SYT1: variants seen among roughly 807,000 people sequenced by gnomAD.
SYT1 encodes synaptotagmin-1.
A neutral mutation model predicts 44.8 loss-of-function variants in SYT1; 8 were observed. That is an observed-to-expected ratio of 0.18 (90% CI 0.10 to 0.32). The LOEUF (loss-of-function observed/expected upper bound fraction) is 0.32. Among genes scored for constraint, SYT1 ranks in the 10% least tolerant of loss-of-function variants. The pLI is 1.00. For synonymous variants in SYT1, 154 were observed against 188.8 expected (o/e 0.82, Z 1.51); for missense variants, 286 against 509.3 (o/e 0.56, Z 4.22).
At chr12:79,241,187 A>C (rs931527299) in intron 4 of SYT1, among the ~76,000 whole-genome samples, 1 of 152,206 alleles carries the variant, frequency 6.6e-6, no homozygotes, top group Admixed American at 6.5e-5. Flanking sequence ...ACAAAAACAA[A>C]AACAAATGGT....
chr12:79,106,431 A>C (rs1168128108), intron 3 of SYT1, among the ~76,000 whole-genome samples: 8 of 152,106 alleles, frequency 5.3e-5, no homozygotes, highest in Non-Finnish European at 1.2e-4. Flanking sequence ...TAAATAATGA[A>C]TTTAAACATT....
intron 3 of SYT1, among the ~76,000 whole-genome samples, chr12:79,177,903 T>TC (rs986296106): frequency 3.6e-5 from 5 of 140,702 alleles, no homozygotes; most frequent in Non-Finnish European, 7.7e-5. Context: ...TGTTTGTTTT[T>TC]TCTTGTAAAT....
chr12:79,244,569 G>C (rs1250013238), intron 4 of SYT1, among the ~76,000 whole-genome samples: 1 of 152,002 alleles, frequency 6.6e-6, no homozygotes, highest in African/African-American at 2.4e-5. Context: ...GCCAGTCATG[G>C]TGGTGGCGCC....
rs1868693584 is a variant in SYT1, at chr12:79,129,873, C to T, written c.-18+82511C>T. Among the ~76,000 whole-genome samples, 6 of 152,052 alleles carry T rather than the reference C, an allele frequency of 3.9e-5. No homozygotes were observed. In the South Asian group the frequency reaches 1.2e-3, roughly 32 times the overall value. On this transcript the variant is annotated intron_variant, in intron 3 of 10. Transcript: ENST00000261205. Reference sequence around the variant, plus strand: ...GCTTCCATGGAATGTAAAGTTGTAACAAAGATGATTCAAATATGGGTATAT... The same window carrying T: ...GCTTCCATGGAATGTAAAGTTGTAATAAAGATGATTCAAATATGGGTATAT...
intron 3 of SYT1, among the ~76,000 whole-genome samples, chr12:79,129,025 A>G (rs1868627942): frequency 6.6e-6 from 1 of 152,180 alleles, no homozygotes; most frequent in South Asian, 2.1e-4. Context: ...TTAAAGAATC[A>G]GTGTCATTTT....
At chr12:79,220,418 G>C (rs547133239) in intron 4 of SYT1, among the ~76,000 whole-genome samples, 1 of 151,552 alleles carries the variant, frequency 6.6e-6, no homozygotes, top group East Asian at 1.9e-4. Flanking sequence ...ATTTCTTTCT[G>C]CTCTGATTTT....
chr12:79,029,679 T>A (rs1332305191), intron 2 of SYT1, among the ~76,000 whole-genome samples: 1 of 151,208 alleles, frequency 6.6e-6, no homozygotes, highest in Non-Finnish European at 1.5e-5. Flanking sequence ...CATAGGAGGT[T>A]ACATGGTATA....
At chr12:78,992,370 G>A (rs922609676) in intron 2 of SYT1, among the ~76,000 whole-genome samples, 7 of 152,178 alleles carry the variant, frequency 4.6e-5, no homozygotes, top group African/African-American at 1.4e-4. Flanking sequence ...GTAGCATGAG[G>A]CTATATTAAG....
At chr12:79,203,495 C>T (rs551155043) in intron 3 of SYT1, among the ~76,000 whole-genome samples, 1 of 152,270 alleles carries the variant, frequency 6.6e-6, no homozygotes, top group Non-Finnish European at 1.5e-5. Flanking sequence ...TGCTACACTT[C>T]CAAATTGACT....
chr12:79,273,494 G>T (rs1299590323), intron 4 of SYT1, among the ~76,000 whole-genome samples: 1 of 152,122 alleles, frequency 6.6e-6, no homozygotes, highest in Non-Finnish European at 1.5e-5. Context: ...GGAGCAGTAG[G>T]CAGTGAGGCA....
intron 2 of SYT1, chr12:79,036,504 G>C (rs1873143536): frequency 6.6e-6 from 1 of 151,730 alleles, no homozygotes; most frequent in Non-Finnish European, 1.5e-5. Context: ...AGCATCTTTT[G>C]AACACTCTTC....
intron 1 of SYT1, among the ~76,000 whole-genome samples, chr12:78,912,990 T>C (rs1876430135): frequency 1.3e-5 from 2 of 151,950 alleles, no homozygotes; most frequent in Non-Finnish European, 2.9e-5. Context: ...TAAGTAAAGT[T>C]ATTTTTAATA....
intron 9 of SYT1, among the ~76,000 whole-genome samples, chr12:79,388,847 T>G (rs1200664498): frequency 2.0e-5 from 3 of 152,194 alleles, no homozygotes; most frequent in Non-Finnish European, 2.9e-5. Context: ...ATGGAAATTA[T>G]TCTATAAGGA....
chr12:78,946,376 T>C (rs1268574357), intron 1 of SYT1, among the ~76,000 whole-genome samples: 1 of 152,150 alleles, frequency 6.6e-6, no homozygotes, highest in Admixed American at 6.5e-5. Context: ...TATTTATGGC[T>C]GGGCACAGTG....
intron 8 of SYT1, among the ~76,000 whole-genome samples, chr12:79,339,176 A>G (rs1882240124): frequency 6.6e-6 from 1 of 152,178 alleles, no homozygotes; most frequent in African/African-American, 2.4e-5. Flanking sequence ...TCCTTTGGGT[A>G]TATACCCAGT....
intron 8 of SYT1, among the ~76,000 whole-genome samples, chr12:79,347,583 C>T (rs987719448): frequency 1.3e-5 from 2 of 152,162 alleles, no homozygotes; most frequent in African/African-American, 4.8e-5. Flanking sequence ...GAAAATCTGC[C>T]TGAGTCTGCT....
intron 3 of SYT1, among the ~76,000 whole-genome samples, chr12:79,086,186 T>A (rs977028099): frequency 6.6e-6 from 1 of 152,164 alleles, no homozygotes; most frequent in Non-Finnish European, 1.5e-5. Context: ...ACCATCATCA[T>A]CATCATCATT....
At chr12:79,145,749 T>G (rs7979304) in intron 3 of SYT1, among the ~76,000 whole-genome samples, 89,982 of 145,048 alleles carry the variant, frequency 0.62, 28,330 homozygotes, top group East Asian at 0.84. Context: ...TTTTTTTTTT[T>G]TTTGTTTGTT....
chr12:79,422,079 G>A (rs1869156154), intron 9 of SYT1, among the ~76,000 whole-genome samples: 2 of 151,880 alleles, frequency 1.3e-5, no homozygotes, highest in Non-Finnish European at 2.9e-5. Flanking sequence ...AATTTTATTT[G>A]CAGCCATGTT....
Sources: gnomAD v4.1 joint callset for allele counts (sites outside exome capture counted in the v4.1 genomes callset) on GRCh38, gnomAD v4.1.1 for gene constraint, MANE v1.5 for transcripts, NCBI Gene and HGNC (gene_info 2026-07-23, HGNC 2026-07-21) for gene names.